PHF21B: variants seen among roughly 807,000 people sequenced by gnomAD.
PHF21B encodes the protein PHD finger protein 21B, also known as PHD finger protein 4.
Under a neutral mutation model 62.2 loss-of-function variants are expected in PHF21B, and 22 were observed. That is an observed-to-expected ratio of 0.35 (90% CI 0.25 to 0.51). The LOEUF (loss-of-function observed/expected upper bound fraction) is 0.51. PHF21B is among the 20% of genes least tolerant of loss of function. The probability of loss-of-function intolerance (pLI) is 0.97; values close to 1 mark genes in which losing one functional copy is unlikely to be tolerated. For missense variants in PHF21B, 701 were observed against 707.9 expected, an observed-to-expected ratio of 0.99 and a Z score of 0.11; for synonymous variants, 341 against 314.7, an observed-to-expected ratio of 1.08 and a Z score of -0.88.
At chr22:44,971,209 C>CTG (rs2072630815) in intron 2 of PHF21B, 2 of 152,238 alleles carry the variant, frequency 1.3e-5, no homozygotes, top group South Asian at 4.1e-4. Flanking sequence ...CGGCTGGACC[C>CTG]TGTAGATCAC....
chr22:44,965,560 C>T (rs2072509107), intron 2 of PHF21B, among the ~76,000 whole-genome samples: 2 of 152,202 alleles, frequency 1.3e-5, no homozygotes, highest in East Asian at 1.9e-4. Flanking sequence ...CCCTCTATCA[C>T]CCCAGATGCA....
chr22:44,903,005 C>T lies in PHF21B; in HGVS notation c.832-6922G>A, dbSNP rs143156174. On this transcript the variant is annotated intron_variant, in intron 5 of 12. Coordinates refer to ENST00000313237, the MANE Select transcript of PHF21B (RefSeq NM_138415.5). ...TCCCTCAGTGGGATTCTCTGGTTAACCACGCCTCCTCTGCCTCTCCCCCAT... is the reference window on the plus strand; with the variant it reads ...TCCCTCAGTGGGATTCTCTGGTTAATCACGCCTCCTCTGCCTCTCCCCCAT... 2.9e-3 allele frequency among the ~76,000 whole-genome samples: 444 copies of T among 152,316 alleles called. 9 individuals are homozygous for T. The East Asian group carries it at 0.051, about 18-fold the overall frequency.
chr22:44,973,210 G>A (rs1230476271), intron 2 of PHF21B, among the ~76,000 whole-genome samples: 4 of 152,036 alleles, frequency 2.6e-5, no homozygotes, highest in Non-Finnish European at 5.9e-5. Flanking sequence ...GGGGTCTGCT[G>A]GTCTCCACCC....
At chr22:44,967,479 C>A (rs2147438043) in intron 2 of PHF21B, among the ~76,000 whole-genome samples, 1 of 152,300 alleles carries the variant, frequency 6.6e-6, no homozygotes, top group East Asian at 1.9e-4. Context: ...CCTCGGCCTC[C>A]CAAAGTGCTG....
At chr22:44,979,121 G>A (rs879591824) in intron 2 of PHF21B, among the ~76,000 whole-genome samples, 3 of 152,252 alleles carry the variant, frequency 2.0e-5, no homozygotes, top group Non-Finnish European at 4.4e-5. Context: ...AGCCCCCTAA[G>A]GGTAGACCAC....
intron 2 of PHF21B, among the ~76,000 whole-genome samples, chr22:44,955,378 T>G (rs181604793): frequency 6.6e-6 from 1 of 152,318 alleles, no homozygotes; most frequent in Admixed American, 6.5e-5. Flanking sequence ...TGACGGTTAA[T>G]TTCACACGGC....
intron 2 of PHF21B, among the ~76,000 whole-genome samples, chr22:44,995,094 G>A (rs2073099123): frequency 6.6e-6 from 1 of 152,244 alleles, no homozygotes; most frequent in Non-Finnish European, 1.5e-5. Flanking sequence ...TTGGGGAAGT[G>A]GGTGGGTACA....
In PHF21B at chr22:44,928,002, G is replaced by A. The variant is rs533655610; in HGVS notation, c.121-7512C>T. 5.9e-5 allele frequency among the ~76,000 whole-genome samples: 9 copies of A among 152,300 alleles called. No individual in the cohort carries two copies. In the South Asian group the frequency reaches 6.2e-4, roughly 11 times the overall value. ...GGAAATCTCTAGGAAGCTCAGACAC[G>A]GGGAGACAGCGGGAAGGAGACAGGT... On this transcript the variant is annotated intron_variant, in intron 2 of 12. Coordinates refer to ENST00000313237, the MANE Select transcript of PHF21B (RefSeq NM_138415.5).
At chr22:44,911,005 A>T (rs2071334758) in intron 5 of PHF21B, among the ~76,000 whole-genome samples, 1 of 152,226 alleles carries the variant, frequency 6.6e-6, no homozygotes, top group South Asian at 2.1e-4. Context: ...GGAGACAAGG[A>T]ACTTGTTGGG....
rs145054301 is a variant in PHF21B at position 44,925,154 on chromosome 22, G to C, written c.121-4664C>G. On this transcript the variant is annotated intron_variant, in intron 2 of 12. Transcript: ENST00000313237. ...TTTTGTGGAGATGGTGCAGGGACGA[G>C]AGGAAGGGATTACAAAACGACACCA... Among the ~76,000 whole-genome samples, 783 of 152,278 alleles carry C rather than the reference G, an allele frequency of 5.1e-3. 3 individuals are homozygous for C. The highest frequency in any genetic ancestry group is 0.027 in the Middle Eastern group (8 of 292).
chr22:45,009,365 CCCCCG>C lies in PHF21B; in HGVS notation c.54+126_54+130del. 1.0e-6 allele frequency: 1 copy of C among 958,450 alleles called. No homozygotes were observed. Among genetic ancestry groups the C allele is most frequent in the South Asian group, 1.8e-5 (1 of 56,438 alleles). 59.4% of individuals were successfully genotyped at this position (958,450 alleles called of 1,614,324 possible). On this transcript the variant is annotated intron_variant, in intron 1 of 12. Coordinates refer to ENST00000313237, the MANE Select transcript of PHF21B (RefSeq NM_138415.5). The surrounding 1 kb of genome is among the most constrained non-coding windows in gnomAD (Gnocchi z 5.9). ...TCCGCGCGTGTGCTCACTCCCTCGC[CCCCCG>C]CCCCCGGGCAGGCTCCAGCCTGGAA...
intron 2 of PHF21B, among the ~76,000 whole-genome samples, chr22:44,949,857 G>A (rs1365938747): frequency 3.3e-5 from 5 of 151,412 alleles, no homozygotes; most frequent in Admixed American, 6.6e-5. Flanking sequence ...TGATTTTTTC[G>A]GCACCGCTGC....
chr22:44,911,029 G>T (rs879511419), intron 5 of PHF21B, among the ~76,000 whole-genome samples: 1 of 152,236 alleles, frequency 6.6e-6, no homozygotes, highest in Non-Finnish European at 1.5e-5. Context: ...TGGAGCAAAG[G>T]TGACTCTTGT....
At chr22:44,908,294 T>C (rs1286071445) in intron 5 of PHF21B, among the ~76,000 whole-genome samples, 2 of 152,268 alleles carry the variant, frequency 1.3e-5, no homozygotes, top group East Asian at 1.9e-4. Flanking sequence ...ATCTGTACCA[T>C]GGGCTAACAA....
intron 7 of PHF21B, among the ~76,000 whole-genome samples, chr22:44,891,563 G>A (rs773916410): frequency 2.6e-5 from 4 of 152,114 alleles, no homozygotes; most frequent in African/African-American, 7.2e-5. Flanking sequence ...GGGGCGGGGC[G>A]GGGCAGGGAA....
intron 5 of PHF21B, among the ~76,000 whole-genome samples, chr22:44,902,940 G>T (rs987114300): frequency 1.2e-4 from 18 of 152,186 alleles, no homozygotes; most frequent in Non-Finnish European, 2.1e-4. Flanking sequence ...CAACTCAAAG[G>T]CTCTGCCTCT....
At chr22:44,901,959 G>A in intron 5 of PHF21B, 1 of 211,172 alleles carries the variant, frequency 4.7e-6, no homozygotes, top group South Asian at 9.2e-5. Flanking sequence ...ATTGAGCCAT[G>A]GCAAAAACCC....
rs767394403 is a variant in PHF21B, at chr22:45,008,537, T to A, written c.120+8A>T. On this transcript the variant is annotated splice_region_variant and intron_variant, in intron 2 of 12. Coordinates refer to ENST00000313237, the MANE Select transcript of PHF21B (RefSeq NM_138415.5). ...CATCCCAGGGGGGGCCGCGATCCCA[T>A]CGCTTACTTGTTTGTCGCTGAGCGC... is the stretch of plus-strand genomic sequence containing the variant. 2 of 1,570,344 alleles carry A rather than the reference T, an allele frequency of 1.3e-6. No homozygotes were observed. The highest frequency in any genetic ancestry group is 8.6e-7 in the Non-Finnish European group (1 of 1,157,124).
At chr22:44,936,875 T>TC (rs1569239847) in intron 2 of PHF21B, among the ~76,000 whole-genome samples, 1 of 149,506 alleles carries the variant, frequency 6.7e-6, no homozygotes, top group Non-Finnish European at 1.5e-5. Context: ...TCTTTCTTTT[T>TC]TTTTTTTTTT....
Sources: gnomAD v4.1 joint callset for allele counts (sites outside exome capture counted in the v4.1 genomes callset) on GRCh38, gnomAD v4.1.1 for gene constraint, Gnocchi (gnomAD v3.1) non-coding constraint, MANE v1.5 for transcripts, NCBI Gene and HGNC (gene_info 2026-07-23, HGNC 2026-07-21) for gene names.